The following MYOF variants were observed in gnomAD, a reference collection of about 807,000 sequenced individuals.
The protein encoded by MYOF is myoferlin.
Under a neutral mutation model 284.2 loss-of-function variants are expected in MYOF, and 244 were observed. That is an observed-to-expected ratio of 0.86 (90% CI 0.77 to 0.95). The LOEUF is 0.95. Ranked by LOEUF, MYOF falls within the 40% of genes least tolerant of loss-of-function variation. The pLI, the probability that MYOF is intolerant of heterozygous loss-of-function variation, is 0.00. For missense variants in MYOF, 2,496 were observed against 2,560.6 expected (o/e 0.97, Z 0.54); for synonymous variants, 904 against 919.7 (o/e 0.98, Z 0.31).
chr10:93,339,209 C>T (rs1843762160), intron 39 of MYOF, among the ~76,000 whole-genome samples: 1 of 152,048 alleles, frequency 6.6e-6, no homozygotes, highest in African/African-American at 2.4e-5. Flanking sequence ...GATGGGGTTT[C>T]ACCATATTGG....
intron 1 of MYOF, among the ~76,000 whole-genome samples, chr10:93,463,741 A>G (rs2056938688): frequency 1.3e-5 from 2 of 151,840 alleles, no homozygotes; most frequent in Non-Finnish European, 1.5e-5. Flanking sequence ...GCATACTGGC[A>G]TGCACCAATA....
At chr10:93,316,850 A>C in intron 49 of MYOF, 37 bp from the exon 50 acceptor site, 1 of 1,551,582 alleles carries the variant, frequency 6.4e-7, no homozygotes, top group Non-Finnish European at 8.9e-7. Flanking sequence ...ATGACTCTGA[A>C]ACACTCACCT....
intron 43 of MYOF, among the ~76,000 whole-genome samples, chr10:93,332,735 T>A (rs1843381754): frequency 6.6e-6 from 1 of 151,884 alleles, no homozygotes; most frequent in African/African-American, 2.4e-5. Flanking sequence ...TAGTCCCAGC[T>A]ACTCGGGAGG....
intron 5 of MYOF, among the ~76,000 whole-genome samples, chr10:93,416,861 G>T (rs1848146609): frequency 6.6e-6 from 1 of 152,168 alleles, no homozygotes; most frequent in African/African-American, 2.4e-5. Flanking sequence ...GTCTCTCAAA[G>T]TGCTGGGATT....
At chr10:93,407,150 G>A (rs1351501286) in intron 7 of MYOF, among the ~76,000 whole-genome samples, 3 of 152,204 alleles carry the variant, frequency 2.0e-5, no homozygotes, top group Non-Finnish European at 4.4e-5. Flanking sequence ...GGGAGGCAGG[G>A]CGCAGTGGCT....
intron 15 of MYOF, 141 bp downstream of exon 15, chr10:93,397,106 G>T: frequency 6.1e-6 from 4 of 657,462 alleles, no homozygotes; most frequent in Middle Eastern, 4.4e-4. Flanking sequence ...TTTGTTTTAA[G>T]AAACGCCCAG....
chr10:93,407,449 G>T (rs1246630486), intron 7 of MYOF, among the ~76,000 whole-genome samples: 1 of 103,602 alleles, frequency 9.7e-6, no homozygotes, highest in Non-Finnish European at 2.0e-5. Context: ...AAAAAAAAAA[G>T]GCCGGGTGTG....
chr10:93,376,574 C>T (rs1354882099), intron 22 of MYOF, among the ~76,000 whole-genome samples: 2 of 151,964 alleles, frequency 1.3e-5, no homozygotes, highest in Non-Finnish European at 2.9e-5. Context: ...CTAGGAGGCA[C>T]AAGAAGACAG....
rs369605331 is a variant in MYOF at position 93,379,971 on chromosome 10, G to T, written c.1893C>A (p.Tyr631Ter). 3.2e-5 allele frequency: 52 copies of T among 1,613,730 alleles called. No individual in the cohort carries two copies. In the East Asian group the frequency reaches 1.2e-3, roughly 36 times the overall value. Residue 631 changes from tyrosine to a stop codon, truncating the protein, a stop_gained, in exon 21 of 54, where the codon TAC becomes TAA. Transcript: ENST00000359263. LOFTEE classifies it high-confidence loss of function. ...RAVFDGNYYY[Y>*]LPWAHTKPVV... ...CTGGCTTGGTGTGGGCCCAAGGCAA[G>T]TAATAATAGTAGTTGCCTGGTATAA...
Position 93,381,241 on chromosome 10 carries a change from C to T in MYOF, c.1854G>A (p.Gln618=). 6.2e-7 allele frequency: 1 copy of T among 1,614,226 alleles called. No individual in the cohort carries two copies. The highest frequency in any genetic ancestry group is 8.5e-7 in the Non-Finnish European group (1 of 1,180,042). The change falls in exon 20 of 54, where the codon CAG becomes CAA. Residue 618 remains glutamine (Q), a synonymous_variant. Transcript: ENST00000359263. ...TACCATCAAATACAGCACGGCTGTA[C>T]TGAGTTGTTGATGCCAAAGGCTTAC... ...TTCKPLASTT[Q]YSRAVFDGNY... is the part of the protein sequence containing the mutation.
chr10:93,378,131 G>C (rs1194892737), intron 21 of MYOF, among the ~76,000 whole-genome samples: 2 of 152,178 alleles, frequency 1.3e-5, no homozygotes, highest in Non-Finnish European at 2.9e-5. Context: ...CTGGGGCAGA[G>C]AAAGTACAAG....
In MYOF at chr10:93,328,814, C is replaced by G. The variant is rs543699587; in HGVS notation, c.5080G>C (p.Asp1694His). The G allele has an allele frequency of 5.6e-6, 9 of 1,613,756 alleles. No homozygotes were observed. In the South Asian group the frequency reaches 8.8e-5, roughly 16 times the overall value. Residue 1694 changes from aspartate (D) to histidine (H), a missense_variant, in exon 45 of 54, where the codon GAT becomes CAT. Coordinates refer to ENST00000359263, the MANE Select transcript of MYOF (RefSeq NM_013451.4). ...KGFPQPILSE[D>H]GSRIRYGGRD... ...CCTCCATATCTGATTCTACTCCCATCTTCGGAAAGGATGGGTTGTGGGAAG... is the reference window on the plus strand; with the variant it reads ...CCTCCATATCTGATTCTACTCCCATGTTCGGAAAGGATGGGTTGTGGGAAG...
chr10:93,387,883 A>G lies in MYOF; in HGVS notation c.1612T>C (p.Leu538=). The G allele has an allele frequency of 6.2e-7, 1 of 1,614,142 alleles. No homozygotes were observed. Among genetic ancestry groups the G allele is most frequent in the Non-Finnish European group, 8.5e-7 (1 of 1,180,020 alleles). Reference sequence around the variant, plus strand: ...TCAAGAAAAGTGGCTAATTCAACCAAGATCCTGCCTCTGTAGGCAACTCCT... The same window carrying G: ...TCAAGAAAAGTGGCTAATTCAACCAGGATCCTGCCTCTGTAGGCAACTCCT... ...GEGVAYRGRI[L]VELATFLEKT... The change falls in exon 19 of 54, where the codon TTG becomes CTG. Residue 538 remains leucine (L), a synonymous_variant. Transcript: ENST00000359263.
Position 93,325,806 on chromosome 10 carries a change from A to G in MYOF, c.5271+20T>C, listed in dbSNP as rs1012814889. The G allele has an allele frequency of 3.1e-6, 5 of 1,603,546 alleles. No homozygotes were observed. The Admixed American group carries it at 8.7e-5, about 28-fold the overall frequency. Reference sequence around the variant, plus strand: ...TTTGGGGCAGGGATAATGGTCTTCAAGGGAGGGAAGGCCCTTTACCTGGGA... The same window carrying G: ...TTTGGGGCAGGGATAATGGTCTTCAGGGGAGGGAAGGCCCTTTACCTGGGA... On this transcript the variant is annotated intron_variant, in intron 46 of 53. Transcript: ENST00000359263.
At chr10:93,426,884 C>CTTTT (rs1169014883) in intron 4 of MYOF, among the ~76,000 whole-genome samples, 1,149 of 104,650 alleles carry the variant, frequency 0.011, 69 homozygotes, top group Non-Finnish European at 0.017. Context: ...ACGAGACTGT[C>CTTTT]TTTTTTTTTT....
In MYOF at chr10:93,328,860, T is replaced by C; in HGVS notation, c.5034A>G (p.Gln1678=). 6.2e-7 allele frequency: 1 copy of C among 1,613,748 alleles called. No individual in the cohort carries two copies. Among genetic ancestry groups the C allele is most frequent in the Non-Finnish European group, 8.5e-7 (1 of 1,179,732 alleles). The change falls in exon 45 of 54, where the codon CAA becomes CAG. Residue 1678 remains glutamine, a synonymous_variant. Transcript: ENST00000359263. ...RDQLRPTQLL[Q]NVARFKGFPQ... is the part of the protein sequence containing the mutation. Reference sequence around the variant, plus strand: ...GGAAGCCTTTGAATCTGGCGACATTTTGAAGCAGCTGTGTTGGTCTCAGTT... The same window carrying C: ...GGAAGCCTTTGAATCTGGCGACATTCTGAAGCAGCTGTGTTGGTCTCAGTT...
chr10:93,396,070 C>T, intron 16 of MYOF, 72 bp downstream of exon 16: 2 of 1,186,882 alleles, frequency 1.7e-6, no homozygotes, highest in South Asian at 1.4e-5. Context: ...GTGGCTACCC[C>T]AGTTCATTTT....
chr10:93,365,335 A>C (rs111716535), intron 26 of MYOF, among the ~76,000 whole-genome samples: 28 of 152,336 alleles, frequency 1.8e-4, no homozygotes, highest in African/African-American at 6.0e-4. Context: ...TTCTAATGTT[A>C]CTGGCAACAT....
chr10:93,354,695 C>CTCTCTCTCTCTCTCTCTCTCTT (rs1844711415), intron 31 of MYOF, among the ~76,000 whole-genome samples: 1 of 151,824 alleles, frequency 6.6e-6, no homozygotes, highest in East Asian at 1.9e-4. Context: ...CTCTCTCTCT[C>CTCTCTCTCTCTCTCTCTCTCTT]TCTCTCTTTG....
Sources: gnomAD v4.1 joint callset for allele counts (sites outside exome capture counted in the v4.1 genomes callset) on GRCh38, gnomAD v4.1.1 for gene constraint, MANE v1.5 for transcripts, NCBI Gene and HGNC (gene_info 2026-07-23, HGNC 2026-07-21) for gene names.